Variants in GNPNAT1 observed in about 807,000 individuals in gnomAD.
GNPNAT1 encodes the protein glucosamine-phosphate N-acetyltransferase 1.
GNPNAT1 carries 11 observed loss-of-function variants against 19.8 expected under a neutral mutation model. That is an observed-to-expected ratio of 0.56 (90% CI 0.35 to 0.92). The LOEUF is 0.92. Ranked by LOEUF, GNPNAT1 falls within the 40% of genes least tolerant of loss-of-function variation. The probability of loss-of-function intolerance (pLI) is 0.01; values close to 1 mark genes in which losing one functional copy is unlikely to be tolerated. For missense variants in GNPNAT1, 157 were observed against 211.0 expected (o/e 0.74, Z 1.59); for synonymous variants, 71 against 72.3 (o/e 0.98, Z 0.09).
chr14:52,788,418 A>C (rs1424172391), intron 1 of GNPNAT1, among the ~76,000 whole-genome samples: 1 of 152,178 alleles, frequency 6.6e-6, no homozygotes, highest in Admixed American at 6.5e-5. Context: ...ACAAGTGTGA[A>C]CCAGCATGCT....
chr14:52,787,262 T>A (rs372501754), intron 1 of GNPNAT1, among the ~76,000 whole-genome samples: 1 of 152,138 alleles, frequency 6.6e-6, no homozygotes, highest in African/African-American at 2.4e-5. Flanking sequence ...CAGTATGCTT[T>A]AGGGCAAATA....
intron 1 of GNPNAT1, among the ~76,000 whole-genome samples, chr14:52,788,147 G>GT (rs150063622): frequency 0.046 from 7,001 of 152,104 alleles, 238 homozygotes; most frequent in Non-Finnish European, 0.069. Flanking sequence ...TTGAGACAGG[G>GT]TTTTACTCTG....
intron 5 of GNPNAT1, among the ~76,000 whole-genome samples, chr14:52,779,898 G>C (rs1415980764): frequency 2.0e-5 from 3 of 152,004 alleles, no homozygotes. Context: ...TAAAAAGCAA[G>C]TTCTTGGGCC....
At position 52,778,330 on chromosome 14, in the gene GNPNAT1, C is replaced by A. The variant is rs1337352117; in HGVS notation, c.536G>T (p.Cys179Phe). Residue 179 changes from cysteine to phenylalanine, a missense_variant, in exon 6 of 6, where the codon TGT (cysteine) becomes TTT (phenylalanine). By Grantham distance (205) the Cys-to-Phe change is radical (BLOSUM62 -2). Coordinates refer to ENST00000216410, the MANE Select transcript of GNPNAT1 (RefSeq NM_198066.4). ...AGATTTTTACTTTAGAAACCTCCGA[C>A]ACATGTAGTTTTCTTCAGATACAGT... is the stretch of plus-strand genomic sequence containing the variant. The part of the protein sequence containing the change: ...GYTVSEENYM[C>F]RRFLK The A allele has an allele frequency of 6.3e-7, 1 of 1,593,708 alleles. No individual in the cohort carries two copies. The highest frequency in any genetic ancestry group is 2.2e-5 in the East Asian group (1 of 44,534).
intron 1 of GNPNAT1, among the ~76,000 whole-genome samples, chr14:52,790,536 G>C (rs1883146583): frequency 6.6e-6 from 1 of 152,118 alleles, no homozygotes; most frequent in Non-Finnish European, 1.5e-5. Context: ...CCAGTCTACC[G>C]ATGAGGAAGC....
chr14:52,790,563 C>G (rs547606443), intron 1 of GNPNAT1, among the ~76,000 whole-genome samples: 14 of 152,176 alleles, frequency 9.2e-5, no homozygotes, highest in Non-Finnish European at 2.1e-4. Flanking sequence ...ACCTGGAACT[C>G]CCAAGACTTG....
intron 5 of GNPNAT1, among the ~76,000 whole-genome samples, chr14:52,779,219 T>C (rs935545330): frequency 6.6e-6 from 1 of 152,232 alleles, no homozygotes; most frequent in Middle Eastern, 3.4e-3. Flanking sequence ...TTTGTGAAGG[T>C]GTGTATCAGA....
chr14:52,781,932 A>AG, intron 3 of GNPNAT1, 21 bp from the exon 4 acceptor site: 1 of 1,585,472 alleles, frequency 6.3e-7, no homozygotes, highest in South Asian at 1.2e-5. Context: ...TGGATAACAA[A>AG]GTGTTACATA....
intron 5 of GNPNAT1, 33 bp from the exon 6 acceptor site, chr14:52,778,491 T>C (rs1167509468): frequency 6.5e-7 from 1 of 1,536,918 alleles, no homozygotes. Context: ...GGTGAGGAGA[T>C]AGCATTTATT....
intron 1 of GNPNAT1, among the ~76,000 whole-genome samples, chr14:52,790,890 A>AG (rs1310521488): frequency 1.3e-5 from 2 of 152,188 alleles, no homozygotes; most frequent in Non-Finnish European, 2.9e-5. Context: ...CGGTATTTCT[A>AG]GGGGTAGGAG....
At position 52,778,006 on chromosome 14, in the gene GNPNAT1, C is replaced by G. The variant is rs890237242; in HGVS notation, c.*305G>C. On this transcript the variant is annotated 3_prime_UTR_variant, in exon 6 of 6. Coordinates refer to ENST00000216410, the MANE Select transcript of GNPNAT1 (RefSeq NM_198066.4). ...GACATATAACTCCTTATTACCCATACTCTTGACTACCAAGAAAGGAAGCCA... is the reference window on the plus strand; with the variant it reads ...GACATATAACTCCTTATTACCCATAGTCTTGACTACCAAGAAAGGAAGCCA... 1.1e-5 allele frequency: 2 copies of G among 185,398 alleles called. No homozygotes were observed. Among genetic ancestry groups the G allele is most frequent in the African/African-American group, 2.4e-5 (1 of 42,436 alleles). The allele number at this position is 185,398 out of a possible 1,614,324, so 11.5% of individuals were successfully genotyped here.
chr14:52,788,893 C>G (rs1271563568), intron 1 of GNPNAT1, among the ~76,000 whole-genome samples: 2 of 152,116 alleles, frequency 1.3e-5, no homozygotes, highest in Non-Finnish European at 2.9e-5. Context: ...CCAGGAAATA[C>G]TAATATTTTC....
rs565155839 is a variant in GNPNAT1, at chr14:52,776,159, G to C, written c.*2152C>G. 6.6e-6 allele frequency: 1 copy of C among 152,432 alleles called. No individual in the cohort carries two copies. The highest frequency in any genetic ancestry group is 2.4e-5 in the African/African-American group (1 of 41,494). The allele number at this position is 152,432 out of a possible 1,614,324, so 9.4% of individuals were successfully genotyped here. On this transcript the variant is annotated 3_prime_UTR_variant, in exon 6 of 6. Coordinates refer to ENST00000216410, the MANE Select transcript of GNPNAT1 (RefSeq NM_198066.4). ...TGCGCTCTAGCCTGGGCAACAGCGAGACCTTGTCTCAACAACAACAACAAC... is the reference window on the plus strand; with the variant it reads ...TGCGCTCTAGCCTGGGCAACAGCGACACCTTGTCTCAACAACAACAACAAC...
chr14:52,776,300 A>AT lies in GNPNAT1; in HGVS notation c.*2010dup, dbSNP rs1397689973. ...TATGTAGCACTTTTTTCATATTTAC[A>AT]TTTACTCACCATATGGCTTCAAAAA... On this transcript the variant is annotated 3_prime_UTR_variant, in exon 6 of 6. Coordinates refer to ENST00000216410, the MANE Select transcript of GNPNAT1 (RefSeq NM_198066.4). 1 of 152,158 alleles carries AT rather than the reference A, an allele frequency of 6.6e-6. No homozygotes were observed. The highest frequency in any genetic ancestry group is 1.9e-4 in the East Asian group (1 of 5,198). The allele number at this position is 152,158 out of a possible 1,614,324, so 9.4% of individuals were successfully genotyped here.
intron 5 of GNPNAT1, 77 bp downstream of exon 5, chr14:52,780,602 A>C (rs1363806574): frequency 1.2e-6 from 1 of 848,920 alleles, no homozygotes; most frequent in African/African-American, 1.7e-5. Context: ...GCCAAAAAGA[A>C]CTTCAAACAA....
rs1415297787 is a variant in GNPNAT1, at chr14:52,788,778, TGTG to T, written c.-15+2647_-15+2649del. On this transcript the variant is annotated intron_variant, in intron 1 of 5. Transcript: ENST00000216410. ...AAGTTGTCTGTGTTTACAATAAAAA[TGTG>T]GTCTAGAAAACATGAAAAATAGGGT... Among the ~76,000 whole-genome samples, 4 of 152,130 alleles carry T rather than the reference TGTG, an allele frequency of 2.6e-5. No homozygotes were observed. The East Asian group carries it at 7.7e-4, about 29-fold the overall frequency.
intron 1 of GNPNAT1, among the ~76,000 whole-genome samples, chr14:52,790,893 G>C (rs1229909122): frequency 6.6e-6 from 1 of 152,124 alleles, no homozygotes; most frequent in African/African-American, 2.4e-5. Context: ...TATTTCTAGG[G>C]GTAGGAGCCT....
intron 1 of GNPNAT1, among the ~76,000 whole-genome samples, chr14:52,785,902 C>G (rs1172856822): frequency 1.3e-5 from 2 of 150,760 alleles, no homozygotes; most frequent in Non-Finnish European, 3.0e-5. Context: ...CACCTGCCAC[C>G]ACGCCCAGCT....
chr14:52,776,260 G>T lies in GNPNAT1; in HGVS notation c.*2051C>A, dbSNP rs1882716440. 6.6e-6 allele frequency: 1 copy of T among 151,898 alleles called. No individual in the cohort carries two copies. The highest frequency in any genetic ancestry group is 2.4e-5 in the African/African-American group (1 of 41,356). 9.4% of individuals were successfully genotyped at this position (151,898 alleles called of 1,614,324 possible). A position where few individuals can be genotyped will look rare whatever the true frequency, so the allele number is the denominator to read the frequency against. On this transcript the variant is annotated 3_prime_UTR_variant, in exon 6 of 6. Transcript: ENST00000216410. Reference sequence around the variant, plus strand: ...AAGGAGCAGTTTTTAAAAAAAAAAAGTTTAAGAAGTGTTTTATGTAGCACT... The same window carrying T: ...AAGGAGCAGTTTTTAAAAAAAAAAATTTTAAGAAGTGTTTTATGTAGCACT...
Sources: allele counts gnomAD v4.1 joint callset (sites outside exome capture counted in the v4.1 genomes callset), GRCh38; gene constraint gnomAD v4.1.1; transcripts MANE v1.5; gene names NCBI Gene and HGNC (gene_info 2026-07-23, HGNC 2026-07-21).